The following SLC19A3 variants were observed in gnomAD, a reference collection of about 807,000 sequenced individuals.
SLC19A3 encodes the protein solute carrier family 19 member 3.
SLC19A3 carries 31 observed loss-of-function variants against 40.2 expected under a neutral mutation model. That is an observed-to-expected ratio of 0.77 (90% confidence interval 0.58 to 1.04). SLC19A3 has a LOEUF of 1.04. Among genes scored for constraint, SLC19A3 ranks in the 50% least tolerant of loss-of-function variants. The pLI, the probability that SLC19A3 is intolerant of heterozygous loss-of-function variation, is 0.00. For missense variants in SLC19A3, 592 were observed against 596.7 expected (o/e 0.99, Z 0.08); for synonymous variants, 212 against 227.5 (o/e 0.93, Z 0.61).
chr2:227,713,495 T>G (rs1375414196), intron 1 of SLC19A3, among the ~76,000 whole-genome samples: 3 of 112,154 alleles, frequency 2.7e-5, no homozygotes, highest in African/African-American at 8.7e-5. Context: ...AGCTCATTCA[T>G]GAATTAATGG....
chr2:227,690,567 C>A (rs949980914), intron 4 of SLC19A3, among the ~76,000 whole-genome samples: 2 of 151,650 alleles, frequency 1.3e-5, no homozygotes, highest in Non-Finnish European at 2.9e-5. Flanking sequence ...ATTAGCTGGG[C>A]ATGATGGCAG....
Position 227,699,402 on chromosome 2 carries a change from T to C in SLC19A3, c.313A>G (p.Thr105Ala). 2.5e-6 allele frequency: 4 copies of C among 1,614,090 alleles called. No individual in the cohort carries two copies. The highest frequency in any genetic ancestry group is 3.4e-6 in the Non-Finnish European group (4 of 1,180,028). ...LLLLFGQGVK[T>A]MQVVEFFYGM... ...TAGAAGAACTCTACAACCTGCATGG[T>C]CTTCACTCCTTGGCCAAACAACAGC... The change falls in exon 3 of 6, where the codon ACC becomes GCC. Residue 105 changes from threonine (T) to alanine (A), a missense_variant. Thr to Ala is a moderately conservative substitution (Grantham distance 58). Transcript: ENST00000644224.
chr2:227,711,146 G>C (rs554581128), intron 1 of SLC19A3, among the ~76,000 whole-genome samples: 6 of 152,258 alleles, frequency 3.9e-5, no homozygotes, highest in Admixed American at 6.5e-5. Context: ...GGCCAGGCGC[G>C]GTGGCTCCCG....
rs184505288 is a variant in SLC19A3, at chr2:227,697,849, G to T, written c.979+887C>A. Among the ~76,000 whole-genome samples, 664 of 151,982 alleles carry T rather than the reference G, an allele frequency of 4.4e-3. 6 individuals carry two copies. Among genetic ancestry groups the T allele is most frequent in the Admixed American group, 8.1e-3 (124 of 15,256 alleles). On this transcript the variant is annotated intron_variant, in intron 3 of 5. Transcript: ENST00000644224. Reference sequence around the variant, plus strand: ...TCCCAGCACTTTTGGAGGCTGAGGCGGGTAGATCATGAGGTCAAGAGATTG... The same window carrying T: ...TCCCAGCACTTTTGGAGGCTGAGGCTGGTAGATCATGAGGTCAAGAGATTG...
chr2:227,689,009 C>G (rs939869727), intron 4 of SLC19A3, among the ~76,000 whole-genome samples: 19 of 151,924 alleles, frequency 1.3e-4, no homozygotes, highest in Non-Finnish European at 2.8e-4. Context: ...GAATCTCATA[C>G]CAGCAGAACT....
chr2:227,701,984 C>A, intron 2 of SLC19A3, 185 bp downstream of exon 2: 1 of 590,896 alleles, frequency 1.7e-6, no homozygotes, highest in Non-Finnish European at 3.0e-6. Context: ...GTTTTGGCTG[C>A]AATTTTTTGC....
chr2:227,713,358 C>A (rs574086725), intron 1 of SLC19A3, among the ~76,000 whole-genome samples: 1 of 141,700 alleles, frequency 7.1e-6, no homozygotes, highest in Non-Finnish European at 1.5e-5. Context: ...GCCATGATTG[C>A]ACCATTGCAT....
At chr2:227,705,021 C>T (rs1160912560) in intron 1 of SLC19A3, among the ~76,000 whole-genome samples, 2 of 152,032 alleles carry the variant, frequency 1.3e-5, no homozygotes, top group Non-Finnish European at 2.9e-5. Context: ...GCTGGGATTA[C>T]AGGCACCCAC....
rs1308165277 is a variant in SLC19A3, at chr2:227,687,526, T to C, written c.1362A>G (p.Leu454=). 1 of 1,614,076 alleles carries C rather than the reference T, an allele frequency of 6.2e-7. No homozygotes were observed. Among genetic ancestry groups the C allele is most frequent in the Non-Finnish European group, 8.5e-7 (1 of 1,179,986 alleles). Reference sequence around the variant, plus strand: ...AGTAGGTAATATACATGCTTCTCATTAGGAAAATTCCAGCAATTACTGCAA... The same window carrying C: ...AGTAGGTAATATACATGCTTCTCATCAGGAAAATTCCAGCAATTACTGCAA... The part of the protein sequence containing the change: ...SYFAVIAGIF[L]MRSMYITYST... The change falls in exon 6 of 6, where the codon CTA becomes CTG. Residue 454 remains leucine, a synonymous_variant. Transcript: ENST00000644224.
chr2:227,710,434 A>C (rs371394205), intron 1 of SLC19A3, among the ~76,000 whole-genome samples: 3 of 152,056 alleles, frequency 2.0e-5, no homozygotes, highest in Admixed American at 1.3e-4. Context: ...GGTGGCTTAC[A>C]CCTGTAATCC....
Position 227,698,831 on chromosome 2 carries a change from A to T in SLC19A3, c.884T>A (p.Val295Asp). ...WAFATAGFNQ[V>D]LNYVQILWDY... ...CCACAGGATTTGAACATAGTTCAAAACCTGGTTAAAACCTGCTGTGGCGAA... is the reference window on the plus strand; with the variant it reads ...CCACAGGATTTGAACATAGTTCAAATCCTGGTTAAAACCTGCTGTGGCGAA... The change falls in exon 3 of 6, where the codon GTT becomes GAT. Residue 295 changes from valine (V) to aspartate (D), a missense_variant. Transcript: ENST00000644224. 6.2e-7 allele frequency: 1 copy of T among 1,614,214 alleles called. No homozygotes were observed. Among genetic ancestry groups the T allele is most frequent in the Non-Finnish European group, 8.5e-7 (1 of 1,180,032 alleles).
At chr2:227,704,831 C>A (rs79390709) in intron 1 of SLC19A3, among the ~76,000 whole-genome samples, 26,643 of 152,060 alleles carry the variant, frequency 0.18, 2,870 homozygotes, top group African/African-American at 0.29. Context: ...TAAAACAGTG[C>A]TTTTCATATT....
chr2:227,697,921 CA>C (rs898563209), intron 3 of SLC19A3, among the ~76,000 whole-genome samples: 2 of 151,412 alleles, frequency 1.3e-5, no homozygotes, highest in African/African-American at 4.8e-5. Context: ...ACTAAAAATA[CA>C]AAAAAATTTA....
Position 227,690,523 on chromosome 2 carries a change from C to T in SLC19A3, c.1173-2216G>A, listed in dbSNP as rs189780145. On this transcript the variant is annotated intron_variant, in intron 4 of 5. Coordinates refer to ENST00000644224, the MANE Select transcript of SLC19A3 (RefSeq NM_025243.4). Reference sequence around the variant, plus strand: ...GAGATCAAGGCCATCCTGGCTAACACGATGAAACCCCGTCTCTACTAAAAA... The same window carrying T: ...GAGATCAAGGCCATCCTGGCTAACATGATGAAACCCCGTCTCTACTAAAAA... Among the ~76,000 whole-genome samples the T allele has an allele frequency of 1.6e-3, 237 of 151,602 alleles. 4 individuals carry two copies. The highest frequency in any genetic ancestry group is 1.4e-3 in the East Asian group (7 of 5,140).
intron 1 of SLC19A3, among the ~76,000 whole-genome samples, chr2:227,707,960 C>G (rs755792831): frequency 2.2e-4 from 34 of 152,166 alleles, no homozygotes; most frequent in Non-Finnish European, 4.7e-4. Context: ...AACTCCTGAC[C>G]TCAGGTGATC....
At chr2:227,692,733 C>T (rs1288261375) in intron 4 of SLC19A3, among the ~76,000 whole-genome samples, 2 of 152,138 alleles carry the variant, frequency 1.3e-5, no homozygotes, top group African/African-American at 2.4e-5. Flanking sequence ...AAATAAAGGG[C>T]ATCCACATTG....
intron 4 of SLC19A3, among the ~76,000 whole-genome samples, chr2:227,690,344 A>G (rs1192215618): frequency 6.6e-6 from 1 of 152,210 alleles, no homozygotes; most frequent in Non-Finnish European, 1.5e-5. Flanking sequence ...ATACATTTCA[A>G]GACAGAAACT....
At chr2:227,715,193 C>CA (rs1696290497) in intron 1 of SLC19A3, among the ~76,000 whole-genome samples, 1 of 151,744 alleles carries the variant, frequency 6.6e-6, no homozygotes, top group Non-Finnish European at 1.5e-5. Context: ...CCTAGACTCT[C>CA]AAAAAACTAC....
chr2:227,688,058 AT>A, intron 5 of SLC19A3, 107 bp downstream of exon 5: 2 of 1,235,640 alleles, frequency 1.6e-6, no homozygotes, highest in Non-Finnish European at 2.4e-6. Flanking sequence ...GGAATTATGT[AT>A]TTTTTAATTG....
Sources: allele counts gnomAD v4.1 joint callset (sites outside exome capture counted in the v4.1 genomes callset), GRCh38; gene constraint gnomAD v4.1.1; transcripts MANE v1.5; gene names NCBI Gene and HGNC (gene_info 2026-07-23, HGNC 2026-07-21).